HS6ST3: variants seen among roughly 807,000 people sequenced by gnomAD.
The protein encoded by HS6ST3 is heparan sulfate 6-O-sulfotransferase 3, also known as heparan-sulfate 6-O-sulfotransferase 3.
HS6ST3 carries 12 observed loss-of-function variants against 36.7 expected under a neutral mutation model. That is an observed-to-expected ratio of 0.33 (90% CI 0.21 to 0.53). HS6ST3 has a LOEUF of 0.53. Among genes scored for constraint, HS6ST3 ranks in the 20% least tolerant of loss-of-function variants. The pLI is 0.95. For synonymous variants in HS6ST3, 240 were observed against 257.5 expected, an observed-to-expected ratio of 0.93 and a Z score of 0.65; for missense variants, 584 against 640.9, an observed-to-expected ratio of 0.91 and a Z score of 0.96.
At position 96,449,824 on chromosome 13, in the gene HS6ST3, T is replaced by G. The variant is rs1201113584; in HGVS notation, c.707+358255T>G. Among the ~76,000 whole-genome samples the G allele has an allele frequency of 4.6e-5, 7 of 152,334 alleles. No individual in the cohort carries two copies. In the East Asian group the frequency reaches 1.3e-3, roughly 29 times the overall value. On this transcript the variant is annotated intron_variant, in intron 1 of 1. Transcript: ENST00000376705. ...TTCTTAGAAACAGTTTCCAAATATA[T>G]TGAGCATTGTTGGATGACTTTTTTG...
chr13:96,404,122 A>T, intron 1 of HS6ST3, among the ~76,000 whole-genome samples: 1 of 152,222 alleles, frequency 6.6e-6, no homozygotes, highest in African/African-American at 2.4e-5. Context: ...AAACATTTAT[A>T]AAAGTCCATA....
chr13:96,508,626 G>A (rs1481276338), intron 1 of HS6ST3, among the ~76,000 whole-genome samples: 2 of 151,884 alleles, frequency 1.3e-5, no homozygotes, highest in African/African-American at 4.8e-5. Flanking sequence ...AAAACATATG[G>A]CTTTTGGTTT....
chr13:96,341,327 A>G (rs1358638286), intron 1 of HS6ST3, among the ~76,000 whole-genome samples: 1 of 150,412 alleles, frequency 6.6e-6, no homozygotes, highest in Non-Finnish European at 1.5e-5. Flanking sequence ...GAGAAGGACT[A>G]ATTTTTCTTC....
At chr13:96,343,751 G>A (rs1046407582) in intron 1 of HS6ST3, among the ~76,000 whole-genome samples, 1 of 151,450 alleles carries the variant, frequency 6.6e-6, no homozygotes, top group African/African-American at 2.4e-5. Context: ...GTTTGTTTTT[G>A]TTTGGTTTTG....
At chr13:96,387,504 T>G (rs2055374196) in intron 1 of HS6ST3, among the ~76,000 whole-genome samples, 1 of 152,214 alleles carries the variant, frequency 6.6e-6, no homozygotes, top group Non-Finnish European at 1.5e-5. Context: ...AAACATTTTC[T>G]TTTCTTTTGG....
intron 1 of HS6ST3, among the ~76,000 whole-genome samples, chr13:96,731,371 A>G (rs1876149660): frequency 6.6e-6 from 1 of 152,156 alleles, no homozygotes; most frequent in African/African-American, 2.4e-5. Flanking sequence ...TTTGTTATTC[A>G]GTTAACCTGA....
chr13:96,794,919 T>C (rs1243630908), intron 1 of HS6ST3, among the ~76,000 whole-genome samples: 1 of 152,132 alleles, frequency 6.6e-6, no homozygotes, highest in Non-Finnish European at 1.5e-5. Context: ...TCTAGCATTT[T>C]TCTTCCAGAT....
intron 1 of HS6ST3, among the ~76,000 whole-genome samples, chr13:96,781,244 A>G (rs568029953): frequency 6.6e-6 from 1 of 152,352 alleles, no homozygotes. Flanking sequence ...ACTGGCCCAT[A>G]AAGTGCCTCT....
intron 1 of HS6ST3, among the ~76,000 whole-genome samples, chr13:96,151,891 T>C (rs572403579): frequency 6.6e-6 from 1 of 152,206 alleles, no homozygotes; most frequent in Non-Finnish European, 1.5e-5. Context: ...TCTCTTCTTA[T>C]GAGGATACTT....
intron 1 of HS6ST3, among the ~76,000 whole-genome samples, chr13:96,332,573 C>T (rs2055077030): frequency 6.6e-6 from 1 of 152,178 alleles, no homozygotes; most frequent in Non-Finnish European, 1.5e-5. Context: ...TTGTCTTCCT[C>T]TGCTACTGGC....
At chr13:96,682,702 G>C (rs1197221195) in intron 1 of HS6ST3, among the ~76,000 whole-genome samples, 1 of 152,082 alleles carries the variant, frequency 6.6e-6, no homozygotes, top group Non-Finnish European at 1.5e-5. Context: ...TTAAAGGCCA[G>C]TAAGGAAAGA....
chr13:96,774,662 C>T (rs900369975), intron 1 of HS6ST3, among the ~76,000 whole-genome samples: 1 of 152,074 alleles, frequency 6.6e-6, no homozygotes, highest in Non-Finnish European at 1.5e-5. Context: ...AACAAAGCCT[C>T]CAAGAAATAT....
intron 1 of HS6ST3, among the ~76,000 whole-genome samples, chr13:96,797,677 T>A (rs1413382931): frequency 6.6e-6 from 1 of 152,066 alleles, no homozygotes; most frequent in African/African-American, 2.4e-5. Context: ...TATTTTACAA[T>A]TACCTTTCAA....
intron 1 of HS6ST3, among the ~76,000 whole-genome samples, chr13:96,241,934 C>T (rs1434687058): frequency 6.6e-6 from 1 of 151,764 alleles, no homozygotes; most frequent in Non-Finnish European, 1.5e-5. Flanking sequence ...CACAGGCGTC[C>T]ACCACCATGC....
At chr13:96,761,338 A>G (rs894698047) in intron 1 of HS6ST3, among the ~76,000 whole-genome samples, 1 of 151,546 alleles carries the variant, frequency 6.6e-6, no homozygotes, top group Non-Finnish European at 1.5e-5. Context: ...CTCTTTTTTG[A>G]TTTGTAATTT....
At chr13:96,630,937 G>A (rs1042584712) in intron 1 of HS6ST3, among the ~76,000 whole-genome samples, 4 of 152,074 alleles carry the variant, frequency 2.6e-5, no homozygotes, top group Admixed American at 2.0e-4. Context: ...GAATAAGGAT[G>A]TAATTACAAA....
chr13:96,754,621 T>C (rs537658197), intron 1 of HS6ST3, among the ~76,000 whole-genome samples: 2 of 152,360 alleles, frequency 1.3e-5, no homozygotes, highest in South Asian at 4.1e-4. Context: ...AGTGGGTCTA[T>C]AGCTCTAGGT....
At chr13:96,574,414 G>C in intron 1 of HS6ST3, 1 of 518,082 alleles carries the variant, frequency 1.9e-6, no homozygotes, top group Non-Finnish European at 3.5e-6. Flanking sequence ...GTGAGAAGGT[G>C]ACAATCAGTT....
chr13:96,315,769 A>G (rs1010345), intron 1 of HS6ST3, among the ~76,000 whole-genome samples: 54,454 of 151,928 alleles, frequency 0.36, 10,053 homozygotes, highest in African/African-American at 0.42. Flanking sequence ...GAGAGTTTGT[A>G]TTAATATTTC....
Sources: gnomAD v4.1 joint callset for allele counts (sites outside exome capture counted in the v4.1 genomes callset) on GRCh38, gnomAD v4.1.1 for gene constraint, MANE v1.5 for transcripts, NCBI Gene and HGNC (gene_info 2026-07-23, HGNC 2026-07-21) for gene names.